AGO2: variants seen among roughly 807,000 people sequenced by gnomAD.
The protein encoded by AGO2 is protein argonaute-2.
Under a neutral mutation model 102.3 loss-of-function variants are expected in AGO2, and 5 were observed. The ratio of observed to expected loss-of-function variants is 0.05; its 90% confidence interval spans 0.03 to 0.10. The LOEUF (loss-of-function observed/expected upper bound fraction) is 0.10, where lower values mean the gene tolerates loss of function less well. Among genes scored for constraint, AGO2 ranks in the 10% least tolerant of loss-of-function variants. AGO2 has a pLI of 1.00. For missense variants in AGO2, 541 were observed against 1,183.7 expected, an observed-to-expected ratio of 0.46 and a Z score of 7.97; for synonymous variants, 449 against 473.1, an observed-to-expected ratio of 0.95 and a Z score of 0.66.
At chr8:140,552,728 A>G (rs967725214) in intron 10 of AGO2, among the ~76,000 whole-genome samples, 17 of 124,130 alleles carry the variant, frequency 1.4e-4, no homozygotes, top group East Asian at 4.3e-4. Context: ...ACGCACATGC[A>G]CGCGCGCGCG....
intron 1 of AGO2, among the ~76,000 whole-genome samples, chr8:140,599,331 G>C (rs1039215078): frequency 6.6e-6 from 1 of 152,166 alleles, no homozygotes; most frequent in Admixed American, 6.5e-5. Flanking sequence ...TACATGAGAC[G>C]GGGGAAGCCA....
chr8:140,595,575 G>A (rs1325497136), intron 1 of AGO2, among the ~76,000 whole-genome samples: 1 of 142,478 alleles, frequency 7.0e-6, no homozygotes, highest in South Asian at 2.1e-4. Flanking sequence ...CCAAATAGCT[G>A]GGACTACAGG....
intron 1 of AGO2, among the ~76,000 whole-genome samples, chr8:140,606,389 T>C (rs1306711955): frequency 2.6e-5 from 4 of 152,194 alleles, no homozygotes; most frequent in Non-Finnish European, 5.9e-5. Flanking sequence ...TGACATGATG[T>C]TTAACAAATC....
rs554861309 is a variant in AGO2, at chr8:140,552,327, C to G, written c.1270-891G>C. On this transcript the variant is annotated intron_variant, in intron 10 of 18. Coordinates refer to ENST00000220592, the MANE Select transcript of AGO2 (RefSeq NM_012154.5). ...CTGTCAGCTCTCAGCCAGCTCTCAG[C>G]CAGCCCTGAGCACTGTCACCTAAGG... Among the ~76,000 whole-genome samples the G allele has an allele frequency of 4.7e-4, 71 of 152,318 alleles. 1 individual carries two copies. The highest frequency in any genetic ancestry group is 4.1e-3 in the South Asian group (20 of 4,820).
chr8:140,550,604 T>C (rs1183633759), intron 11 of AGO2, among the ~76,000 whole-genome samples: 3 of 152,158 alleles, frequency 2.0e-5, no homozygotes, highest in Non-Finnish European at 4.4e-5. Flanking sequence ...TCCACCTCTC[T>C]ATTTCACCTT....
rs112072991 is a variant in AGO2, at chr8:140,523,977, G to A, written c.*8067C>T. 643 of 152,256 alleles carry A rather than the reference G, an allele frequency of 4.2e-3. 4 individuals are homozygous for A. Among genetic ancestry groups the A allele is most frequent in the African/African-American group, 0.015 (606 of 41,538 alleles). The allele number at this position is 152,256 out of a possible 1,614,324, so 9.4% of individuals were successfully genotyped here. On this transcript the variant is annotated 3_prime_UTR_variant, in exon 19 of 19. Coordinates refer to ENST00000220592, the MANE Select transcript of AGO2 (RefSeq NM_012154.5). Reference sequence around the variant, plus strand: ...TTGACAGGGACAGGTGGTTTCTCAGGCCATTGGCCAAGAAACTGCTCAATA... The same window carrying A: ...TTGACAGGGACAGGTGGTTTCTCAGACCATTGGCCAAGAAACTGCTCAATA...
intron 12 of AGO2, among the ~76,000 whole-genome samples, chr8:140,548,062 T>G (rs1315332370): frequency 6.6e-6 from 1 of 152,162 alleles, no homozygotes; most frequent in Non-Finnish European, 1.5e-5. Context: ...ACACCTGTAA[T>G]CCCAGGACTC....
chr8:140,611,904 T>G (rs1280729585), intron 1 of AGO2, among the ~76,000 whole-genome samples: 1 of 152,168 alleles, frequency 6.6e-6, no homozygotes, highest in African/African-American at 2.4e-5. Flanking sequence ...CACCATGAGC[T>G]TCAAGCTTCC....
Position 140,526,764 on chromosome 8 carries a change from G to A in AGO2, c.*5280C>T, listed in dbSNP as rs535405011. The A allele has an allele frequency of 1.3e-5, 2 of 152,240 alleles. No homozygotes were observed. The highest frequency in any genetic ancestry group is 4.1e-4 in the South Asian group (2 of 4,822). The allele number at this position is 152,240 out of a possible 1,614,324, so 9.4% of individuals were successfully genotyped here. On this transcript the variant is annotated 3_prime_UTR_variant, in exon 19 of 19. Transcript: ENST00000220592. The surrounding 1 kb of genome is among the most constrained non-coding windows in gnomAD (Gnocchi z 5.2). ...AACATGGCAAAACATACTGAAAGAAGCATAAGCGAGGGCACCGTAATGGCA... is the reference window on the plus strand; with the variant it reads ...AACATGGCAAAACATACTGAAAGAAACATAAGCGAGGGCACCGTAATGGCA...
At chr8:140,629,363 G>C (rs917172955) in intron 1 of AGO2, among the ~76,000 whole-genome samples, 5 of 151,100 alleles carry the variant, frequency 3.3e-5, no homozygotes, top group African/African-American at 1.2e-4. Context: ...GCCCGTGCCC[G>C]GGGCCAGGTG....
chr8:140,593,871 G>A lies in AGO2; in HGVS notation c.23-8560C>T, dbSNP rs184323736. 4.3e-3 allele frequency among the ~76,000 whole-genome samples: 651 copies of A among 152,248 alleles called. 10 individuals carry two copies. The highest frequency in any genetic ancestry group is 0.015 in the African/African-American group (606 of 41,538). ...CAGAGCACACAAGCCTTGCCACCAA[G>A]CCACGCTGCCTTGAATCGATAACAA... On this transcript the variant is annotated intron_variant, in intron 1 of 18. Transcript: ENST00000220592.
At chr8:140,536,193 C>T (rs1455945414) in intron 16 of AGO2, among the ~76,000 whole-genome samples, 1 of 152,208 alleles carries the variant, frequency 6.6e-6, no homozygotes, top group African/African-American at 2.4e-5. Flanking sequence ...CAGGCATGGC[C>T]ACGCCAGCAG....
At position 140,577,780 on chromosome 8, in the gene AGO2, G is replaced by A. The variant is rs145506850; in HGVS notation, c.216-4848C>T. 2.4e-3 allele frequency among the ~76,000 whole-genome samples: 370 copies of A among 152,284 alleles called. 1 individual carries two copies. Among genetic ancestry groups the A allele is most frequent in the African/African-American group, 7.9e-3 (328 of 41,566 alleles). ...ACCCAGGATTCAAGGAAATACAACC[G>A]AGCCCCACTACTGGAGACACTCCTC... is the stretch of plus-strand genomic sequence containing the variant. On this transcript the variant is annotated intron_variant, in intron 2 of 18. Transcript: ENST00000220592.
intron 1 of AGO2, among the ~76,000 whole-genome samples, chr8:140,603,013 G>A (rs1382802170): frequency 1.3e-5 from 2 of 152,170 alleles, no homozygotes; most frequent in African/African-American, 4.8e-5. Flanking sequence ...CAGTGTTCTG[G>A]CCGCATCTTT....
chr8:140,542,901 G>A (rs112797060), intron 14 of AGO2, among the ~76,000 whole-genome samples: 6,428 of 152,294 alleles, frequency 0.042, 187 homozygotes, highest in African/African-American at 0.082. Context: ...CACTTTGGGA[G>A]GTTGAAGCAG....
rs1031012329 is a variant in AGO2, at chr8:140,530,624, T to G, written c.*1420A>C. 1 of 152,288 alleles carries G rather than the reference T, an allele frequency of 6.6e-6. No individual in the cohort carries two copies. The highest frequency in any genetic ancestry group is 6.5e-5 in the Admixed American group (1 of 15,286). 9.4% of individuals were successfully genotyped at this position (152,288 alleles called of 1,614,324 possible). A position where few individuals can be genotyped will look rare whatever the true frequency, so the allele number is the denominator to read the frequency against. On this transcript the variant is annotated 3_prime_UTR_variant, in exon 19 of 19. Coordinates refer to ENST00000220592, the MANE Select transcript of AGO2 (RefSeq NM_012154.5). ...GTTTCTAGATTGGCAAACCCAAGTC[T>G]GGGGCCCCAAATGCAAACCCCAGAA... is the stretch of plus-strand genomic sequence containing the variant.
intron 1 of AGO2, among the ~76,000 whole-genome samples, chr8:140,611,962 C>T (rs183266539): frequency 1.3e-5 from 2 of 152,124 alleles, no homozygotes; most frequent in African/African-American, 2.4e-5. Flanking sequence ...CGGTGGCTCA[C>T]GCCTGTAATC....
At chr8:140,614,858 C>T (rs183162645) in intron 1 of AGO2, among the ~76,000 whole-genome samples, 29 of 152,326 alleles carry the variant, frequency 1.9e-4, no homozygotes, top group Middle Eastern at 3.4e-3. Flanking sequence ...TCGGTAACTG[C>T]TGCTGCTGCT....
intron 1 of AGO2, among the ~76,000 whole-genome samples, chr8:140,596,371 G>A (rs1460211789): frequency 1.3e-5 from 2 of 152,202 alleles, no homozygotes; most frequent in African/African-American, 2.4e-5. Flanking sequence ...ACCATCTGAG[G>A]TCGGGAGTTC....
Sources: allele counts gnomAD v4.1 joint callset (sites outside exome capture counted in the v4.1 genomes callset), GRCh38; gene constraint gnomAD v4.1.1; non-coding constraint Gnocchi (gnomAD v3.1); transcripts MANE v1.5; gene names NCBI Gene and HGNC (gene_info 2026-07-23, HGNC 2026-07-21).